Variants in DIS3L2 observed in about 807,000 individuals in gnomAD.
DIS3L2 encodes DIS3-like exonuclease 2.
In DIS3L2, 34 loss-of-function variants were observed where a neutral mutation model predicts 97.5. That is an observed-to-expected ratio of 0.35 (90% CI 0.27 to 0.46). The LOEUF (loss-of-function observed/expected upper bound fraction) is 0.46. DIS3L2 is among the 20% of genes least tolerant of loss of function. The pLI, the probability that DIS3L2 is intolerant of heterozygous loss-of-function variation, is 1.00. For synonymous variants in DIS3L2, 435 were observed against 445.2 expected, an observed-to-expected ratio of 0.98 and a Z score of 0.29; for missense variants, 1,038 against 1,146.0, an observed-to-expected ratio of 0.91 and a Z score of 1.36.
At chr2:232,181,679 C>T (rs1280849455) in intron 9 of DIS3L2, among the ~76,000 whole-genome samples, 2 of 152,004 alleles carry the variant, frequency 1.3e-5, no homozygotes, top group South Asian at 2.1e-4. Context: ...CACTCTGTCA[C>T]TCATGCTGGA....
At chr2:232,329,785 T>TGCCGGGGC in intron 14 of DIS3L2, 28 bp from the exon 15 acceptor site, 3 of 967,142 alleles carry the variant, frequency 3.1e-6, no homozygotes, top group Non-Finnish European at 4.4e-6. Context: ...ACCCCAGCGG[T>TGCCGGGGC]CCCTCCCATC....
intron 6 of DIS3L2, among the ~76,000 whole-genome samples, chr2:232,126,526 T>G (rs1322421095): frequency 6.6e-6 from 1 of 152,184 alleles, no homozygotes; most frequent in Admixed American, 6.5e-5. Context: ...CAAATCCACA[T>G]TCCAGCCCGC....
chr2:232,247,616 C>CGGTGGGGGGGGGGGGGGG (rs1559173558), intron 11 of DIS3L2, among the ~76,000 whole-genome samples: 2 of 6,518 alleles, frequency 3.1e-4, no homozygotes, highest in Admixed American at 1.2e-3. Context: ...ATAACTGCCG[C>CGGTGGGGGGGGGGGGGGG]GGGGGGGGGG....
intron 6 of DIS3L2, among the ~76,000 whole-genome samples, chr2:232,117,456 T>A: frequency 6.6e-6 from 1 of 152,200 alleles, no homozygotes; most frequent in Admixed American, 6.5e-5. Flanking sequence ...GAAAGCACCT[T>A]AAAAAGAGTA....
chr2:232,245,622 T>C (rs1693226169), intron 11 of DIS3L2, among the ~76,000 whole-genome samples: 1 of 152,236 alleles, frequency 6.6e-6, no homozygotes, highest in Admixed American at 6.5e-5. Flanking sequence ...ACCTGGTAAA[T>C]GTCTTTTATA....
At chr2:232,201,998 A>G (rs6759115) in intron 9 of DIS3L2, among the ~76,000 whole-genome samples, 2,242 of 152,300 alleles carry the variant, frequency 0.015, 60 homozygotes, top group African/African-American at 0.052. Context: ...GAATTTGAAC[A>G]TATTTTCTGG....
At chr2:232,239,473 C>T (rs927062024) in intron 11 of DIS3L2, among the ~76,000 whole-genome samples, 1 of 152,208 alleles carries the variant, frequency 6.6e-6, no homozygotes, top group Non-Finnish European at 1.5e-5. Context: ...TCTTTCCCTT[C>T]TCTGATCCTC....
intron 13 of DIS3L2, among the ~76,000 whole-genome samples, chr2:232,299,606 T>C (rs1559199876): frequency 6.6e-6 from 1 of 152,028 alleles, no homozygotes; most frequent in African/African-American, 2.4e-5. Context: ...CTCTTCACTT[T>C]CATGGAAACA....
At chr2:232,283,518 A>T (rs1475583428) in intron 13 of DIS3L2, among the ~76,000 whole-genome samples, 1 of 152,008 alleles carries the variant, frequency 6.6e-6, no homozygotes, top group African/African-American at 2.4e-5. Flanking sequence ...CTGCACCCCC[A>T]TAGTGTTGGA....
intron 6 of DIS3L2, among the ~76,000 whole-genome samples, chr2:232,097,828 C>A (rs1052716753): frequency 6.6e-6 from 1 of 152,158 alleles, no homozygotes; most frequent in Non-Finnish European, 1.5e-5. Context: ...GAGTCTCTCG[C>A]GATAGCCACC....
intron 2 of DIS3L2, among the ~76,000 whole-genome samples, 187 bp downstream of exon 2, chr2:232,015,166 A>G (rs565446201): frequency 1.3e-5 from 2 of 152,322 alleles, no homozygotes; most frequent in East Asian, 1.9e-4. Context: ...TTATTGTTGT[A>G]TTAAGTACAG....
intron 10 of DIS3L2, among the ~76,000 whole-genome samples, chr2:232,217,761 C>T (rs766717483): frequency 1.4e-4 from 22 of 152,298 alleles, no homozygotes; most frequent in Non-Finnish European, 2.6e-4. Context: ...TCCATGCCTT[C>T]CCCAGGCATG....
exon 14 of DIS3L2, chr2:232,343,413 A>G: frequency 6.4e-7 from 1 of 1,556,700 alleles, no homozygotes; most frequent in South Asian, 1.2e-5. Flanking sequence ...AAGATGCAGA[A>G]GCACAGCCCT....
intron 10 of DIS3L2, among the ~76,000 whole-genome samples, chr2:232,220,159 A>G (rs1042398690): frequency 9.2e-5 from 12 of 130,166 alleles, no homozygotes; most frequent in Middle Eastern, 4.0e-3. Context: ...AAATAAATAA[A>G]TAAGCTGGGC....
At chr2:232,264,458 G>A (rs1306060214) in intron 13 of DIS3L2, among the ~76,000 whole-genome samples, 2 of 152,216 alleles carry the variant, frequency 1.3e-5, no homozygotes, top group Non-Finnish European at 2.9e-5. Flanking sequence ...GTAACTGTTA[G>A]GACCCAGGAT....
At chr2:232,181,843 G>T (rs1691285184) in intron 9 of DIS3L2, among the ~76,000 whole-genome samples, 1 of 151,902 alleles carries the variant, frequency 6.6e-6, no homozygotes, top group African/African-American at 2.4e-5. Flanking sequence ...GTAATGATGG[G>T]GTTTCACCAT....
chr2:232,203,139 A>G (rs1691942449), intron 9 of DIS3L2, among the ~76,000 whole-genome samples: 1 of 152,218 alleles, frequency 6.6e-6, no homozygotes, highest in South Asian at 2.1e-4. Context: ...CTGTGATGCC[A>G]TCTAATCTAA....
At chr2:232,125,940 A>G (rs1235165763) in intron 6 of DIS3L2, among the ~76,000 whole-genome samples, 5 of 152,296 alleles carry the variant, frequency 3.3e-5, no homozygotes, top group Middle Eastern at 3.4e-3. Flanking sequence ...GAAGGGACAT[A>G]TTTTCATTTA....
chr2:232,336,401 G>A, intron 20 of DIS3L2, 68 bp from the exon 21 acceptor site: 1 of 1,557,312 alleles, frequency 6.4e-7, no homozygotes, highest in Non-Finnish European at 8.7e-7. Flanking sequence ...CTGCAGGGAT[G>A]GAGGCAGAGC....
Sources: gnomAD v4.1 joint callset for allele counts (sites outside exome capture counted in the v4.1 genomes callset) on GRCh38, gnomAD v4.1.1 for gene constraint, MANE v1.5 for transcripts, NCBI Gene and HGNC (gene_info 2026-07-23, HGNC 2026-07-21) for gene names.